Variants in EZR observed in about 807,000 individuals in gnomAD.
EZR encodes the protein ezrin, also known as cytovillin 2.
Under a neutral mutation model 74.8 loss-of-function variants are expected in EZR, and 40 were observed. The ratio of observed to expected loss-of-function variants is 0.53; its 90% confidence interval spans 0.42 to 0.70. The LOEUF (loss-of-function observed/expected upper bound fraction) is 0.70. EZR is among the 30% of genes least tolerant of loss of function. The pLI, the probability that EZR is intolerant of heterozygous loss-of-function variation, is 0.00. For synonymous variants in EZR, 341 were observed against 283.3 expected (o/e 1.20, Z -2.05); for missense variants, 678 against 755.8 (o/e 0.90, Z 1.21).
intron 9 of EZR, 57 bp from the exon 10 acceptor site, chr6:158,770,951 G>C: frequency 6.2e-7 from 1 of 1,611,806 alleles, no homozygotes; most frequent in East Asian, 2.2e-5. Flanking sequence ...AAAGTGAGGG[G>C]TCAACACACT....
chr6:158,790,173 C>T (rs866404843), intron 2 of EZR, among the ~76,000 whole-genome samples: 3 of 152,036 alleles, frequency 2.0e-5, no homozygotes, highest in South Asian at 4.1e-4. Flanking sequence ...ATTATAATTA[C>T]GAAAATAGTA....
chr6:158,797,016 T>C (rs1777085876), intron 2 of EZR, among the ~76,000 whole-genome samples: 1 of 152,238 alleles, frequency 6.6e-6, no homozygotes, highest in Admixed American at 6.5e-5. Context: ...TTGCTGAATA[T>C]TTGGCCAAAT....
intron 7 of EZR, among the ~76,000 whole-genome samples, chr6:158,776,947 A>G (rs1231113372): frequency 6.6e-6 from 1 of 152,110 alleles, no homozygotes; most frequent in Non-Finnish European, 1.5e-5. Context: ...TGATCTGATT[A>G]ATTTCCTCTC....
At chr6:158,774,705 ACACACACACG>A (rs1171990542) in intron 8 of EZR, among the ~76,000 whole-genome samples, 3 of 121,944 alleles carry the variant, frequency 2.5e-5, no homozygotes, top group South Asian at 2.6e-4. Flanking sequence ...ACACACACAC[ACACACACACG>A]CACAAACATT....
At position 158,803,586 on chromosome 6, in the gene EZR, TATATATATATATATATATAC is replaced by T. The variant is rs1562504575; in HGVS notation, c.13-14235_13-14216del. Among the ~76,000 whole-genome samples, 109 of 13,066 alleles carry T rather than the reference TATATATATATATATATATAC, an allele frequency of 8.3e-3. 5 individuals carry two copies. The highest frequency in any genetic ancestry group is 0.017 in the Admixed American group (22 of 1,288). 8.6% of individuals were successfully genotyped at this position (13,066 alleles called of 152,430 possible). A position where few individuals can be genotyped will look rare whatever the true frequency, so the allele number is the denominator to read the frequency against. On this transcript the variant is annotated intron_variant, in intron 2 of 13. Transcript: ENST00000367075. ...ATATATATATATATATATATACATA[TATATATATATATATATATAC>T]ATATATATATATATATATACATATA... is the stretch of plus-strand genomic sequence containing the variant.
intron 2 of EZR, among the ~76,000 whole-genome samples, chr6:158,803,662 T>A (rs190496560): frequency 0.15 from 9,491 of 63,238 alleles, 804 homozygotes; most frequent in Non-Finnish European, 0.21. Flanking sequence ...TACATATATA[T>A]ATATAAAATA....
intron 2 of EZR, among the ~76,000 whole-genome samples, chr6:158,806,840 A>G (rs1183252124): frequency 6.6e-6 from 1 of 152,212 alleles, no homozygotes; most frequent in East Asian, 1.9e-4. Context: ...TTATGTAAGC[A>G]AATACTTCAA....
chr6:158,814,937 T>A (rs767505044), intron 2 of EZR, among the ~76,000 whole-genome samples: 5 of 152,176 alleles, frequency 3.3e-5, no homozygotes, highest in Non-Finnish European at 5.9e-5. Context: ...AATAAAGTCA[T>A]CCACTCACTC....
chr6:158,812,142 T>C (rs1777462870), intron 2 of EZR, among the ~76,000 whole-genome samples: 1 of 152,132 alleles, frequency 6.6e-6, no homozygotes, highest in Non-Finnish European at 1.5e-5. Context: ...AGCAGTAAAT[T>C]AGCTATGAAA....
intron 2 of EZR, among the ~76,000 whole-genome samples, chr6:158,806,816 C>T (rs1167265518): frequency 6.6e-6 from 1 of 152,180 alleles, no homozygotes; most frequent in African/African-American, 2.4e-5. Flanking sequence ...GAGTCTCACC[C>T]AAACAGCAAT....
In EZR at chr6:158,781,486, A is replaced by G. The variant is rs113942946; in HGVS notation, c.698+2034T>C. Among the ~76,000 whole-genome samples the G allele has an allele frequency of 5.3e-3, 814 of 152,290 alleles. 5 individuals are homozygous for G. The highest frequency in any genetic ancestry group is 0.019 in the African/African-American group (771 of 41,552). ...ACGTTTTTACTTGGAAGAAATGGACACTTACGTGGGCTGGGGCAGTTACAA... is the reference window on the plus strand; with the variant it reads ...ACGTTTTTACTTGGAAGAAATGGACGCTTACGTGGGCTGGGGCAGTTACAA... On this transcript the variant is annotated intron_variant, in intron 7 of 13. Transcript: ENST00000367075.
intron 12 of EZR, 66 bp downstream of exon 12, chr6:158,769,260 C>A (rs550787874): frequency 1.2e-5 from 17 of 1,426,828 alleles, no homozygotes; most frequent in Middle Eastern, 2.1e-4. Context: ...TGCAGAAGGG[C>A]CCCACCGCAG....
rs560251282 is a variant in EZR at position 158,818,742 on chromosome 6, G to A, written c.-74+575C>T. 3.5e-4 allele frequency among the ~76,000 whole-genome samples: 53 copies of A among 150,634 alleles called. 1 individual carries two copies. The South Asian group carries it at 9.4e-3, about 27-fold the overall frequency. On this transcript the variant is annotated intron_variant, in intron 1 of 13. Transcript: ENST00000367075. ...GGGAGCGCGCGCCTGGGAGAGAGAG[G>A]GCGAGGGGCAGGAGGAACACCTAGG...
chr6:158,767,334 A>G lies in EZR; in HGVS notation c.1523T>C (p.Ile508Thr). Residue 508 changes from isoleucine to threonine, a missense_variant, in exon 13 of 14, where the codon ATC (isoleucine) becomes ACC (threonine). Transcript: ENST00000367075. ...GYSAELSSEG[I>T]RDDRNEEKRI... ...CTTCTCCTCATTGCGGTCATCCCGG[A>G]TGCCCTCACTAGACAGCTCCGCGCT... 1 of 1,613,932 alleles carries G rather than the reference A, an allele frequency of 6.2e-7. No homozygotes were observed. The highest frequency in any genetic ancestry group is 8.5e-7 in the Non-Finnish European group (1 of 1,179,996).
intron 3 of EZR, among the ~76,000 whole-genome samples, chr6:158,788,650 G>GA (rs35455909): frequency 1.9e-3 from 240 of 126,728 alleles, no homozygotes; most frequent in Middle Eastern, 8.8e-3. Flanking sequence ...CAGTCTCAAA[G>GA]AAAAAAAAAA....
chr6:158,791,938 G>C (rs1257820555), intron 2 of EZR, among the ~76,000 whole-genome samples: 2 of 151,936 alleles, frequency 1.3e-5, no homozygotes, highest in African/African-American at 2.4e-5. Context: ...TCAATCTCCT[G>C]ATCTTGTCAT....
In EZR at chr6:158,783,560, C is replaced by G. The variant is rs772634100; in HGVS notation, c.658G>C (p.Val220Leu). 4 of 1,613,478 alleles carry G rather than the reference C, an allele frequency of 2.5e-6. No individual in the cohort carries two copies. The highest frequency in any genetic ancestry group is 3.4e-6 in the Non-Finnish European group (4 of 1,179,870). ...TAAATATTCAGTCCAAGGGCATCAA[C>G]TCCAAGCCAAAGGTCTGTTCCTTTC... ...NKKGTDLWLG[V>L]DALGLNIYEK... Residue 220 changes from valine to leucine, a missense_variant, in exon 7 of 14, where the codon GTT becomes CTT. Physicochemically the swap from Val to Leu is conservative, Grantham distance 32. This residue lies in a region of EZR where 119 missense variants were observed against 182.3 expected (regional missense o/e 0.65). Coordinates refer to ENST00000367075, the MANE Select transcript of EZR (RefSeq NM_001111077.2).
chr6:158,791,580 C>A (rs1162555744), intron 2 of EZR, among the ~76,000 whole-genome samples: 1 of 152,026 alleles, frequency 6.6e-6, no homozygotes, highest in East Asian at 1.9e-4. Flanking sequence ...GGATATGCCA[C>A]CTTTCTTTCT....
At chr6:158,769,049 C>T (rs187279468) in intron 12 of EZR, among the ~76,000 whole-genome samples, 2 of 152,206 alleles carry the variant, frequency 1.3e-5, no homozygotes, top group Non-Finnish European at 2.9e-5. Flanking sequence ...GTGGAGGGAG[C>T]AAAGTGGGTG....
Sources: gnomAD v4.1 joint callset for allele counts (sites outside exome capture counted in the v4.1 genomes callset) on GRCh38, gnomAD v4.1.1 for gene constraint, gnomAD v4.1.1 regional missense constraint, MANE v1.5 for transcripts, NCBI Gene and HGNC (gene_info 2026-07-23, HGNC 2026-07-21) for gene names.